Variants in AP3S1 observed in about 807,000 individuals in gnomAD.
AP3S1 encodes the protein AP-3 complex subunit sigma-1.
In AP3S1, 12 loss-of-function variants were observed where a neutral mutation model predicts 21.3. That is an observed-to-expected ratio of 0.56 (90% CI 0.36 to 0.91). AP3S1 has a LOEUF of 0.91. AP3S1 is among the 40% of genes least tolerant of loss of function. AP3S1 has a pLI of 0.01. For missense variants in AP3S1, 116 were observed against 225.0 expected (o/e 0.52, Z 3.10); for synonymous variants, 48 against 78.4 (o/e 0.61, Z 2.05).
At chr5:115,865,924 G>T (rs1429373634) in intron 1 of AP3S1, among the ~76,000 whole-genome samples, 1 of 152,104 alleles carries the variant, frequency 6.6e-6, no homozygotes, top group South Asian at 2.1e-4. Flanking sequence ...TCAGCCTCCC[G>T]AGTAGCTGGG....
chr5:115,879,752 T>C (rs1202840632), intron 3 of AP3S1, among the ~76,000 whole-genome samples: 1 of 152,178 alleles, frequency 6.6e-6, no homozygotes, highest in Admixed American at 6.5e-5. Context: ...TCTTTTTCCA[T>C]TGATCGGAGT....
intron 5 of AP3S1, among the ~76,000 whole-genome samples, chr5:115,912,895 G>T (rs1431414090): frequency 6.6e-6 from 1 of 151,996 alleles, no homozygotes; most frequent in African/African-American, 2.4e-5. Flanking sequence ...TTATCCCTAA[G>T]AAATTAAACA....
intron 1 of AP3S1, among the ~76,000 whole-genome samples, chr5:115,863,855 G>A (rs1394138251): frequency 3.3e-5 from 5 of 152,190 alleles, no homozygotes; most frequent in African/African-American, 1.2e-4. Context: ...AGAGGTTTGA[G>A]TTTAAAAATG....
intron 1 of AP3S1, among the ~76,000 whole-genome samples, chr5:115,861,594 A>G (rs1763186523): frequency 1.3e-5 from 2 of 152,102 alleles, no homozygotes; most frequent in African/African-American, 4.8e-5. Flanking sequence ...TTGCTCTGTC[A>G]TCCAGACTGG....
chr5:115,873,730 T>G (rs1748473492), intron 3 of AP3S1, among the ~76,000 whole-genome samples: 1 of 152,138 alleles, frequency 6.6e-6, no homozygotes, highest in Non-Finnish European at 1.5e-5. Flanking sequence ...GAGAACTGAT[T>G]TTCTTAATTT....
intron 5 of AP3S1, 114 bp from the exon 6 acceptor site, chr5:115,913,248 C>T: frequency 1.2e-6 from 1 of 864,794 alleles, no homozygotes; most frequent in Non-Finnish European, 1.5e-6. Flanking sequence ...ACCATCTGGT[C>T]CCTAAGCTTG....
intron 4 of AP3S1, among the ~76,000 whole-genome samples, chr5:115,901,920 G>A (rs1328860304): frequency 6.6e-6 from 1 of 151,782 alleles, no homozygotes; most frequent in African/African-American, 2.4e-5. Flanking sequence ...CCTAAAAAGA[G>A]TTTGTTGAAA....
chr5:115,861,030 A>G (rs1763137495), intron 1 of AP3S1, among the ~76,000 whole-genome samples: 2 of 152,184 alleles, frequency 1.3e-5, no homozygotes, highest in Non-Finnish European at 2.9e-5. Context: ...TTTGCTGAGC[A>G]TTTCAAATAC....
intron 1 of AP3S1, among the ~76,000 whole-genome samples, chr5:115,854,166 G>A (rs1426751723): frequency 2.0e-5 from 3 of 152,108 alleles, no homozygotes; most frequent in East Asian, 1.9e-4. Context: ...TCATTCATGA[G>A]AGCAGAGCCC....
intron 1 of AP3S1, among the ~76,000 whole-genome samples, chr5:115,844,263 GA>G (rs1444344359): frequency 6.6e-6 from 1 of 152,088 alleles, no homozygotes; most frequent in Non-Finnish European, 1.5e-5. Flanking sequence ...TTTAAAATCT[GA>G]AGATGAACAG....
At chr5:115,883,100 C>T (rs1286388707) in intron 3 of AP3S1, among the ~76,000 whole-genome samples, 1 of 152,178 alleles carries the variant, frequency 6.6e-6, no homozygotes, top group African/African-American at 2.4e-5. Flanking sequence ...GTGCTGGCAG[C>T]AAATATTCAA....
chr5:115,911,334 AAC>A (rs375213578), intron 5 of AP3S1, among the ~76,000 whole-genome samples: 208 of 150,696 alleles, frequency 1.4e-3, no homozygotes, highest in Admixed American at 5.9e-3. Context: ...TACACAGATA[AAC>A]ACACACACAC....
chr5:115,893,231 A>G (rs552826992), intron 3 of AP3S1, among the ~76,000 whole-genome samples: 1 of 152,158 alleles, frequency 6.6e-6, no homozygotes, highest in African/African-American at 2.4e-5. Flanking sequence ...AGAAGCAGAG[A>G]GTGTCATGAC....
chr5:115,842,311 C>T (rs1761647556), intron 1 of AP3S1, among the ~76,000 whole-genome samples: 1 of 152,180 alleles, frequency 6.6e-6, no homozygotes, highest in East Asian at 1.9e-4. Context: ...ACCGACGTGG[C>T]TTTGCCCGGG....
intron 1 of AP3S1, chr5:115,842,389 CG>C: frequency 3.0e-6 from 1 of 328,546 alleles, no homozygotes; most frequent in East Asian, 5.8e-5. Flanking sequence ...GGAGACTTCC[CG>C]GGGCCCGGCC....
chr5:115,893,052 AG>A (rs1750452252), intron 3 of AP3S1, among the ~76,000 whole-genome samples: 1 of 152,220 alleles, frequency 6.6e-6, no homozygotes, highest in Non-Finnish European at 1.5e-5. Flanking sequence ...AAGTGTTTTG[AG>A]TATCTGCTTA....
intron 5 of AP3S1, chr5:115,903,274 G>A (rs781128286): frequency 2.0e-5 from 4 of 199,658 alleles, no homozygotes; most frequent in Non-Finnish European, 3.0e-5. Context: ...TCTGAATAAT[G>A]GAATCTAATA....
At chr5:115,852,375 T>C (rs1022452662) in intron 1 of AP3S1, among the ~76,000 whole-genome samples, 2 of 152,158 alleles carry the variant, frequency 1.3e-5, no homozygotes, top group African/African-American at 2.4e-5. Flanking sequence ...AAGACTTTTA[T>C]AGGAGAAAGT....
chr5:115,900,736 C>G (rs1189839543), intron 4 of AP3S1, among the ~76,000 whole-genome samples: 1 of 152,170 alleles, frequency 6.6e-6, no homozygotes, highest in Non-Finnish European at 1.5e-5. Context: ...GATTTGGGCA[C>G]TGTGTTTGCT....
Sources: gnomAD v4.1 joint callset for allele counts (sites outside exome capture counted in the v4.1 genomes callset) on GRCh38, gnomAD v4.1.1 for gene constraint, MANE v1.5 for transcripts, NCBI Gene and HGNC (gene_info 2026-07-23, HGNC 2026-07-21) for gene names.